The following CRTAC1 variants were observed in gnomAD, a reference collection of about 807,000 sequenced individuals.
CRTAC1 encodes cartilage acidic protein 1, also known as acidic secreted protein in cartilage.
In CRTAC1, 37 loss-of-function variants were observed where a neutral mutation model predicts 67.8. That is an observed-to-expected ratio of 0.55 (90% confidence interval 0.42 to 0.72). CRTAC1 has a LOEUF of 0.72. Among genes scored for constraint, CRTAC1 ranks in the 30% least tolerant of loss-of-function variants. CRTAC1 has a pLI of 0.00. For synonymous variants in CRTAC1, 348 were observed against 371.0 expected (o/e 0.94, Z 0.71); for missense variants, 780 against 931.6 (o/e 0.84, Z 2.12).
intron 3 of CRTAC1, among the ~76,000 whole-genome samples, chr10:97,925,221 T>A (rs2050895370): frequency 6.6e-6 from 1 of 152,122 alleles, no homozygotes; most frequent in African/African-American, 2.4e-5. Flanking sequence ...CAGTGAGCTG[T>A]GATTGTGCCA....
chr10:97,958,794 A>G (rs1229760201), intron 2 of CRTAC1, among the ~76,000 whole-genome samples: 1 of 152,184 alleles, frequency 6.6e-6, no homozygotes, highest in Non-Finnish European at 1.5e-5. Flanking sequence ...CAGAAAATAC[A>G]AGCACCTGCT....
At chr10:97,936,504 G>A (rs978462079) in intron 2 of CRTAC1, 138 bp from the exon 3 acceptor site, 20 of 620,662 alleles carry the variant, frequency 3.2e-5, no homozygotes, top group Admixed American at 1.0e-4. Context: ...CAGGGAACAC[G>A]GCCAGCCTTG....
intron 3 of CRTAC1, among the ~76,000 whole-genome samples, chr10:97,929,379 G>T (rs1004710880): frequency 2.0e-5 from 3 of 152,184 alleles, no homozygotes; most frequent in Non-Finnish European, 2.9e-5. Flanking sequence ...TAGAGCCACT[G>T]GGAGCATGAG....
intron 2 of CRTAC1, among the ~76,000 whole-genome samples, chr10:97,999,160 C>T (rs745834650): frequency 1.3e-4 from 20 of 152,136 alleles, no homozygotes; most frequent in Non-Finnish European, 1.9e-4. Context: ...GCTGCAGCTG[C>T]CCAAACCTGG....
At chr10:98,014,423 C>A (rs556517108) in intron 1 of CRTAC1, among the ~76,000 whole-genome samples, 1 of 152,234 alleles carries the variant, frequency 6.6e-6, no homozygotes, top group Admixed American at 6.5e-5. Flanking sequence ...TTGGATAAGA[C>A]AGCAAAAGCA....
intron 8 of CRTAC1, among the ~76,000 whole-genome samples, chr10:97,898,426 G>C (rs1339585499): frequency 6.6e-6 from 1 of 152,184 alleles, no homozygotes. Context: ...AGCACATGTC[G>C]CTCAGATGAA....
At chr10:97,930,677 G>A (rs1455184521) in intron 3 of CRTAC1, among the ~76,000 whole-genome samples, 2 of 152,172 alleles carry the variant, frequency 1.3e-5, no homozygotes. Context: ...CCGACCAGGG[G>A]TGCTTCTCTC....
At chr10:97,866,762 G>A (rs1464321076) in intron 14 of CRTAC1, 2 of 152,242 alleles carry the variant, frequency 1.3e-5, no homozygotes, top group Non-Finnish European at 2.9e-5. Flanking sequence ...ATGAACATGT[G>A]TGCACAAGCA....
At chr10:97,911,282 C>T (rs573575843) in intron 5 of CRTAC1, among the ~76,000 whole-genome samples, 2 of 152,246 alleles carry the variant, frequency 1.3e-5, no homozygotes, top group African/African-American at 4.8e-5. Context: ...GTGACACATT[C>T]CCTTCATTTT....
At chr10:98,001,301 T>C (rs928663017) in intron 2 of CRTAC1, among the ~76,000 whole-genome samples, 6 of 152,216 alleles carry the variant, frequency 3.9e-5, no homozygotes, top group African/African-American at 1.4e-4. Context: ...ACAAGCTTAA[T>C]TTAATGGGCA....
chr10:97,995,011 A>G (rs1386447757), intron 2 of CRTAC1, among the ~76,000 whole-genome samples: 1 of 152,210 alleles, frequency 6.6e-6, no homozygotes, highest in Non-Finnish European at 1.5e-5. Context: ...TGGGCACATC[A>G]AAGGATACTG....
chr10:97,886,555 C>T (rs1203756602), intron 11 of CRTAC1, among the ~76,000 whole-genome samples: 1 of 152,194 alleles, frequency 6.6e-6, no homozygotes, highest in Non-Finnish European at 1.5e-5. Flanking sequence ...GAAATTATTT[C>T]TCATCACTCC....
Position 97,967,003 on chromosome 10 carries a change from C to T in CRTAC1, c.225-30637G>A, listed in dbSNP as rs866023299. 1.6e-4 allele frequency among the ~76,000 whole-genome samples: 24 copies of T among 148,224 alleles called. No individual in the cohort carries two copies. In the South Asian group the frequency reaches 2.2e-3, roughly 14 times the overall value. ...CTCCATTGTAAAGTCACCCCCCCCC[C>T]CCCGACATCCTACATGCTTCAGAAG... On this transcript the variant is annotated intron_variant, in intron 2 of 14. Transcript: ENST00000370597.
chr10:97,962,235 T>C (rs1293277497), intron 2 of CRTAC1, among the ~76,000 whole-genome samples: 1 of 152,204 alleles, frequency 6.6e-6, no homozygotes, highest in Non-Finnish European at 1.5e-5. Context: ...TGAGCAGATC[T>C]GAAGCAGCCT....
At chr10:97,872,611 A>G (rs193246086) in intron 14 of CRTAC1, among the ~76,000 whole-genome samples, 1 of 152,302 alleles carries the variant, frequency 6.6e-6, no homozygotes, top group East Asian at 1.9e-4. Context: ...CTGTGAGTGA[A>G]TCACTGGCTG....
intron 2 of CRTAC1, among the ~76,000 whole-genome samples, chr10:97,943,148 AAG>A (rs1482079931): frequency 1.3e-5 from 2 of 152,226 alleles, no homozygotes; most frequent in African/African-American, 4.8e-5. Context: ...GGGCAGAAAG[AAG>A]AGAGAGATGT....
chr10:97,889,366 GCAGAAATGCTTATTTT>G (rs1331259749), intron 11 of CRTAC1, among the ~76,000 whole-genome samples: 3 of 151,882 alleles, frequency 2.0e-5, no homozygotes, highest in African/African-American at 7.3e-5. Flanking sequence ...AGGGCCATAA[GCAGAAATGCTTATTTT>G]CAGCTGGAGG....
chr10:97,896,840 CGCCCTCA>C, intron 9 of CRTAC1, 62 bp downstream of exon 9: 1 of 730,586 alleles, frequency 1.4e-6, no homozygotes, highest in Admixed American at 2.5e-5. Flanking sequence ...CCGTCCCTCC[CGCCCTCA>C]CCCCAGTGTA....
At chr10:97,911,665 ATCT>A (rs1204106429) in intron 5 of CRTAC1, among the ~76,000 whole-genome samples, 8 of 152,212 alleles carry the variant, frequency 5.3e-5, no homozygotes, top group Admixed American at 3.9e-4. Flanking sequence ...CGACAAGCAA[ATCT>A]TCTTCAAACC....
Sources: allele counts gnomAD v4.1 joint callset (sites outside exome capture counted in the v4.1 genomes callset), GRCh38; gene constraint gnomAD v4.1.1; transcripts MANE v1.5; gene names NCBI Gene and HGNC (gene_info 2026-07-23, HGNC 2026-07-21).